CERK: variants seen among roughly 807,000 people sequenced by gnomAD.
CERK encodes the protein ceramide kinase.
In CERK, 39 loss-of-function variants were observed where a neutral mutation model predicts 63.4. The observed-to-expected ratio is 0.61, with a 90% CI of 0.48 to 0.80. The LOEUF is 0.80. Ranked by LOEUF, CERK falls within the 30% of genes least tolerant of loss-of-function variation. CERK has a pLI of 0.00. For synonymous variants in CERK, 302 were observed against 280.0 expected (o/e 1.08, Z -0.78); for missense variants, 670 against 714.1 (o/e 0.94, Z 0.70).
intron 6 of CERK, among the ~76,000 whole-genome samples, chr22:46,705,522 T>C (rs755176942): frequency 3.3e-5 from 5 of 151,902 alleles, no homozygotes; most frequent in Non-Finnish European, 5.9e-5. Flanking sequence ...AAATACAAAA[T>C]TAGCCAGGCA....
intron 1 of CERK, 61 bp downstream of exon 1, chr22:46,737,946 C>A: frequency 6.3e-6 from 7 of 1,117,602 alleles, no homozygotes; most frequent in Non-Finnish European, 7.7e-6. Context: ...CAGCCGGGTC[C>A]CCCAAGCCGC....
intron 3 of CERK, among the ~76,000 whole-genome samples, chr22:46,715,775 A>G (rs913612678): frequency 6.6e-6 from 1 of 152,248 alleles, no homozygotes; most frequent in African/African-American, 2.4e-5. Context: ...AATGGATTAC[A>G]TAGATCCAAA....
In CERK at chr22:46,690,078, G is replaced by A. The variant is rs764058861; in HGVS notation, c.1455C>T (p.Ser485=). Residue 485 remains serine, a synonymous_variant, in exon 12 of 13, where the codon AGC becomes AGT. Transcript: ENST00000216264. Reference sequence around the variant, plus strand: ...CGGTGCAGCAGCAGGAGGGGTGGCTGCTGCAAATGTGCCCAAAGCGCTTCT... The same window carrying A: ...CGGTGCAGCAGCAGGAGGGGTGGCTACTGCAAATGTGCCCAAAGCGCTTCT... ...GGKKRFGHIC[S]SHPSCCCTVS... 58 of 1,613,782 alleles carry A rather than the reference G, an allele frequency of 3.6e-5. No individual in the cohort carries two copies. The highest frequency in any genetic ancestry group is 3.1e-5 in the Non-Finnish European group (36 of 1,180,000).
rs759505607 is a variant in CERK, at chr22:46,707,904, G to A, written c.654C>T (p.Asp218=). The change falls in exon 6 of 13, where the codon GAC becomes GAT. Residue 218 remains aspartate (D), a synonymous_variant. Transcript: ENST00000216264. ...CCAGCACAGCCCGGGGGTGGTTCTG[G>A]TCGACCCCGGCGCTCCTCTGCGTCC... ...IGRTQRSAGV[D]QNHPRAVLVP... 1 of 1,613,934 alleles carries A rather than the reference G, an allele frequency of 6.2e-7. No individual in the cohort carries two copies. The highest frequency in any genetic ancestry group is 8.5e-7 in the Non-Finnish European group (1 of 1,179,958).
In CERK at chr22:46,692,559, G is replaced by A. The variant is rs529372068; in HGVS notation, c.1127-782C>T. On this transcript the variant is annotated intron_variant, in intron 10 of 12. Coordinates refer to ENST00000216264, the MANE Select transcript of CERK (RefSeq NM_022766.6). ...GGAGGTTGCAGTGAGCCGAGATCGC[G>A]CCACTGCAATCCAGCCTGGGTGATG... Among the ~76,000 whole-genome samples, 204 of 152,014 alleles carry A rather than the reference G, an allele frequency of 1.3e-3. 1 individual carries two copies. The highest frequency in any genetic ancestry group is 6.5e-3 in the Admixed American group (99 of 15,264).
intron 3 of CERK, among the ~76,000 whole-genome samples, chr22:46,717,054 C>T (rs1347025864): frequency 6.6e-6 from 1 of 152,166 alleles, no homozygotes; most frequent in Non-Finnish European, 1.5e-5. Flanking sequence ...ATCTGAATGG[C>T]CCATGAACAT....
At chr22:46,711,032 T>C (rs1601719921) in intron 5 of CERK, 54 bp downstream of exon 5, 1 of 1,449,918 alleles carries the variant, frequency 6.9e-7, no homozygotes, top group South Asian at 1.2e-5. Flanking sequence ...GAGAGGTGGG[T>C]AGAACTTTTT....
intron 1 of CERK, among the ~76,000 whole-genome samples, chr22:46,729,420 T>A (rs1248024615): frequency 6.6e-6 from 1 of 152,136 alleles, no homozygotes; most frequent in African/African-American, 2.4e-5. Context: ...TTATTAATTT[T>A]TTTTAAGAGA....
At chr22:46,696,755 G>C (rs776795165) in intron 8 of CERK, among the ~76,000 whole-genome samples, 2 of 152,198 alleles carry the variant, frequency 1.3e-5, no homozygotes, top group African/African-American at 2.4e-5. Context: ...CCAGAGACCC[G>C]GAAGGCGTCT....
chr22:46,690,983 G>A (rs2082727516), intron 11 of CERK, among the ~76,000 whole-genome samples: 1 of 150,594 alleles, frequency 6.6e-6, no homozygotes, highest in African/African-American at 2.5e-5. Flanking sequence ...GTATGTATGT[G>A]TGTATATGTA....
In CERK at chr22:46,707,852, T is replaced by C. The variant is rs1465711874; in HGVS notation, c.706A>G (p.Ile236Val). Residue 236 changes from isoleucine (I) to valine (V), a missense_variant, in exon 6 of 13, where the codon ATT becomes GTT. By Grantham distance (29) the Ile-to-Val change is conservative. Transcript: ENST00000216264. ...CAGGCCGGCTCCATACCTGCGGGAA[T>C]GATTCCAATCCGGAGGCTACTGGGG... ...LVPSSLRIGI[I>V]PAGSTDCVCY... The C allele has an allele frequency of 6.2e-7, 1 of 1,610,026 alleles. No homozygotes were observed. Among genetic ancestry groups the C allele is most frequent in the East Asian group, 2.2e-5 (1 of 44,752 alleles).
At chr22:46,697,885 C>G (rs1422823318) in intron 8 of CERK, among the ~76,000 whole-genome samples, 2 of 152,240 alleles carry the variant, frequency 1.3e-5, no homozygotes. Flanking sequence ...TGTGTGCAGA[C>G]TGCAACTCTT....
rs367630989 is a variant in CERK at position 46,720,214 on chromosome 22, C to T, written c.257-6G>A. On this transcript the variant is annotated splice_polypyrimidine_tract_variant and splice_region_variant and intron_variant, in intron 2 of 12. Coordinates refer to ENST00000216264, the MANE Select transcript of CERK (RefSeq NM_022766.6). Reference sequence around the variant, plus strand: ...TGCTCTCTTTACACAGTGAACTGCACAGAAGCAAGCATGCTCGTTAGTGCA... The same window carrying T: ...TGCTCTCTTTACACAGTGAACTGCATAGAAGCAAGCATGCTCGTTAGTGCA... The T allele has an allele frequency of 3.1e-6, 5 of 1,608,190 alleles. No individual in the cohort carries two copies. The African/African-American group carries it at 5.3e-5, about 17-fold the overall frequency.
intron 8 of CERK, among the ~76,000 whole-genome samples, chr22:46,696,685 C>G (rs1384732680): frequency 6.6e-6 from 1 of 152,276 alleles, no homozygotes; most frequent in Non-Finnish European, 1.5e-5. Context: ...TGCCTCACAG[C>G]CACAGAACCC....
Position 46,716,889 on chromosome 22 carries a change from C to T in CERK, c.379+3197G>A, listed in dbSNP as rs150535513. ...GGCAGAGGTTGCAGTGAGCCAGGAT[C>T]GCGCAACTGCCCTCCAGCCTGGGCA... On this transcript the variant is annotated intron_variant, in intron 3 of 12. Coordinates refer to ENST00000216264, the MANE Select transcript of CERK (RefSeq NM_022766.6). 6.9e-3 allele frequency among the ~76,000 whole-genome samples: 1,054 copies of T among 151,890 alleles called. 12 individuals are homozygous for T. Among genetic ancestry groups the T allele is most frequent in the African/African-American group, 0.024 (1,002 of 41,420 alleles).
intron 1 of CERK, among the ~76,000 whole-genome samples, chr22:46,721,826 T>A (rs528543532): frequency 6.6e-6 from 1 of 152,132 alleles, no homozygotes; most frequent in African/African-American, 2.4e-5. Context: ...GCCCAGGGGA[T>A]GACAGCACCG....
At chr22:46,733,306 T>G (rs560091780) in intron 1 of CERK, among the ~76,000 whole-genome samples, 1 of 151,546 alleles carries the variant, frequency 6.6e-6, no homozygotes, top group East Asian at 1.9e-4. Context: ...ATTATTATTA[T>G]TATTTGAGAT....
At position 46,720,073 on chromosome 22, in the gene CERK, AAC is replaced by A. The variant is rs1435900491; in HGVS notation, c.379+11_379+12del. On this transcript the variant is annotated intron_variant, in intron 3 of 12. Transcript: ENST00000216264. Reference sequence around the variant, plus strand: ...CACGGCCATCCTGTCTCTCAGTCCAAACACACACGTACTCAGCTTCTCCAGCA... The same window carrying A: ...CACGGCCATCCTGTCTCTCAGTCCAAACACACGTACTCAGCTTCTCCAGCA... 1.9e-6 allele frequency: 3 copies of A among 1,612,200 alleles called. No individual in the cohort carries two copies. Among genetic ancestry groups the A allele is most frequent in the Admixed American group, 1.7e-5 (1 of 59,938 alleles).
At chr22:46,691,405 AAGG>A (rs1351243724) in intron 11 of CERK, among the ~76,000 whole-genome samples, 164 bp downstream of exon 11, 2 of 152,168 alleles carry the variant, frequency 1.3e-5, no homozygotes, top group Non-Finnish European at 2.9e-5. Context: ...GATATTTTAC[AAGG>A]AGTAGTTGTA....
Sources: allele counts gnomAD v4.1 joint callset (sites outside exome capture counted in the v4.1 genomes callset), GRCh38; gene constraint gnomAD v4.1.1; transcripts MANE v1.5; gene names NCBI Gene and HGNC (gene_info 2026-07-23, HGNC 2026-07-21).